Variants in SPCS2 observed in about 807,000 individuals in gnomAD.
The protein encoded by SPCS2 is signal peptidase complex subunit 2.
Under a neutral mutation model 22.3 loss-of-function variants are expected in SPCS2, and 3 were observed. The ratio of observed to expected loss-of-function variants is 0.13; its 90% CI spans 0.06 to 0.35. The LOEUF (loss-of-function observed/expected upper bound fraction) is 0.35, where lower values mean the gene tolerates loss of function less well. Among genes scored for constraint, SPCS2 ranks in the 10% least tolerant of loss-of-function variants. The probability of loss-of-function intolerance (pLI) is 1.00; values close to 1 mark genes in which losing one functional copy is unlikely to be tolerated. For missense variants in SPCS2, 169 were observed against 280.9 expected (o/e 0.60, Z 2.85); for synonymous variants, 67 against 97.2 (o/e 0.69, Z 1.83).
intron 1 of SPCS2, among the ~76,000 whole-genome samples, chr11:74,955,858 A>AG (rs1948475450): frequency 1.2e-5 from 1 of 84,242 alleles, no homozygotes; most frequent in South Asian, 3.3e-4. Context: ...TAAAATATAT[A>AG]TATATATATA....
At chr11:74,957,783 T>G (rs537416506) in intron 1 of SPCS2, among the ~76,000 whole-genome samples, 2 of 152,222 alleles carry the variant, frequency 1.3e-5, no homozygotes, top group African/African-American at 4.8e-5. Context: ...CCATTTTTTT[T>G]GTATATCTGA....
chr11:74,964,832 T>C (rs1349013837), intron 1 of SPCS2, among the ~76,000 whole-genome samples: 1 of 152,220 alleles, frequency 6.6e-6, no homozygotes, highest in Non-Finnish European at 1.5e-5. Flanking sequence ...TTGGTCTTTT[T>C]TGTTTGTTTT....
chr11:74,967,134 G>T (rs1488790916), intron 3 of SPCS2, among the ~76,000 whole-genome samples: 1 of 152,220 alleles, frequency 6.6e-6, no homozygotes, highest in Non-Finnish European at 1.5e-5. Context: ...GTCAAAAATT[G>T]TATTATCCAG....
intron 1 of SPCS2, among the ~76,000 whole-genome samples, chr11:74,956,260 T>G (rs1948478238): frequency 6.6e-6 from 1 of 152,104 alleles, no homozygotes; most frequent in Non-Finnish European, 1.5e-5. Context: ...TGCTGACTTC[T>G]ACATTTATAT....
intron 4 of SPCS2, among the ~76,000 whole-genome samples, chr11:74,970,799 T>C (rs1202421581): frequency 6.6e-6 from 1 of 152,216 alleles, no homozygotes; most frequent in African/African-American, 2.4e-5. Context: ...TTCTAAAACC[T>C]AGCGGCATTA....
intron 1 of SPCS2, among the ~76,000 whole-genome samples, chr11:74,958,699 T>C (rs1222829233): frequency 2.6e-5 from 4 of 152,194 alleles, no homozygotes; most frequent in African/African-American, 4.8e-5. Flanking sequence ...ATCCAAGCCC[T>C]AATTCTAGTA....
intron 1 of SPCS2, chr11:74,949,648 C>T (rs1211935892): frequency 7.3e-6 from 4 of 545,422 alleles, no homozygotes; most frequent in African/African-American, 3.8e-5. Context: ...ACACCTTTTT[C>T]GGTAATTTGA....
At chr11:74,951,171 A>G (rs1392673096) in intron 1 of SPCS2, among the ~76,000 whole-genome samples, 1 of 152,240 alleles carries the variant, frequency 6.6e-6, no homozygotes, top group Non-Finnish European at 1.5e-5. Flanking sequence ...TCAGCTTTGA[A>G]GTATTTCTGC....
chr11:74,956,572 T>C (rs1198256845), intron 1 of SPCS2, among the ~76,000 whole-genome samples: 1 of 152,196 alleles, frequency 6.6e-6, no homozygotes, highest in Non-Finnish European at 1.5e-5. Flanking sequence ...TGACCACTCC[T>C]ACCTAGAGAG....
chr11:74,961,240 G>A lies in SPCS2; in HGVS notation c.115-3794G>A, dbSNP rs116415232. On this transcript the variant is annotated intron_variant, in intron 1 of 4. Coordinates refer to ENST00000263672, the MANE Select transcript of SPCS2 (RefSeq NM_014752.3). ...TGCTAGGTACCAGGCACTGTGCACT[G>A]TGCTATGTTTTATAATTACACTATT... 6.7e-3 allele frequency among the ~76,000 whole-genome samples: 1,021 copies of A among 152,254 alleles called. 16 individuals carry two copies. The highest frequency in any genetic ancestry group is 0.023 in the African/African-American group (958 of 41,552).
Position 74,967,968 on chromosome 11 carries a change from T to C in SPCS2, c.360-1597T>C, listed in dbSNP as rs982350515. On this transcript the variant is annotated intron_variant, in intron 3 of 4. Coordinates refer to ENST00000263672, the MANE Select transcript of SPCS2 (RefSeq NM_014752.3). The stretch of plus-strand genomic sequence containing the variant: ...AGTCTTCTGTATCCTAGACTGCATA[T>C]ATCCTTCATCTCTAAATCTCATGAT... Among the ~76,000 whole-genome samples the C allele has an allele frequency of 3.3e-5, 5 of 152,126 alleles. No homozygotes were observed. The South Asian group carries it at 1.0e-3, about 32-fold the overall frequency.
chr11:74,969,443 G>T, intron 3 of SPCS2, 122 bp from the exon 4 acceptor site: 1 of 882,342 alleles, frequency 1.1e-6, no homozygotes, highest in Non-Finnish European at 1.7e-6. Flanking sequence ...TCAGTGTTTT[G>T]GCAGCAAGAC....
At position 74,964,970 on chromosome 11, in the gene SPCS2, G is replaced by T. The variant is rs1219670457; in HGVS notation, c.115-64G>T. 6.2e-6 allele frequency: 7 copies of T among 1,128,510 alleles called. No homozygotes were observed. In the East Asian group the frequency reaches 1.3e-4, roughly 21 times the overall value. 69.9% of individuals were successfully genotyped at this position (1,128,510 alleles called of 1,614,324 possible). A position where few individuals can be genotyped will look rare whatever the true frequency, so the allele number is the denominator to read the frequency against. ...GCATGAGGGATGCTCTTAAAAAATG[G>T]TTCATTTTACTTTCAGTAAGAGGCC... On this transcript the variant is annotated intron_variant, in intron 1 of 4. Transcript: ENST00000263672.
At chr11:74,965,380 A>T (rs193259127) in intron 2 of SPCS2, among the ~76,000 whole-genome samples, 25 of 146,238 alleles carry the variant, frequency 1.7e-4, no homozygotes, top group Admixed American at 4.7e-4. Flanking sequence ...TAATAAAATT[A>T]AAAAAAAAAG....
intron 1 of SPCS2, among the ~76,000 whole-genome samples, chr11:74,959,939 G>A (rs1948502550): frequency 6.6e-6 from 1 of 152,202 alleles, no homozygotes; most frequent in Non-Finnish European, 1.5e-5. Context: ...ATGTGCAGTG[G>A]AGAAACGTAA....
At chr11:74,952,548 C>G (rs1591734083) in intron 1 of SPCS2, among the ~76,000 whole-genome samples, 1 of 152,024 alleles carries the variant, frequency 6.6e-6, no homozygotes, top group Admixed American at 6.6e-5. Context: ...AACTCCTGGC[C>G]TCAAGTGATC....
intron 1 of SPCS2, 131 bp downstream of exon 1, chr11:74,949,530 A>G: frequency 1.3e-6 from 1 of 793,586 alleles, no homozygotes; most frequent in South Asian, 1.5e-5. Flanking sequence ...CACTATCACA[A>G]CCCTACGCAC....
At chr11:74,969,846 A>G in intron 4 of SPCS2, 147 bp downstream of exon 4, 1 of 987,814 alleles carries the variant, frequency 1.0e-6, no homozygotes, top group Non-Finnish European at 1.6e-6. Context: ...TGGATGATCT[A>G]GAAGGTTTGT....
intron 4 of SPCS2, among the ~76,000 whole-genome samples, chr11:74,970,508 C>T (rs758670530): frequency 6.5e-4 from 99 of 152,306 alleles, no homozygotes; most frequent in Middle Eastern, 3.4e-3. Flanking sequence ...AATTCATACT[C>T]GTAGTCACTA....
Sources: gnomAD v4.1 joint callset for allele counts (sites outside exome capture counted in the v4.1 genomes callset) on GRCh38, gnomAD v4.1.1 for gene constraint, MANE v1.5 for transcripts, NCBI Gene and HGNC (gene_info 2026-07-23, HGNC 2026-07-21) for gene names.